The following CD8B2 variants were observed in gnomAD, a reference collection of about 807,000 sequenced individuals.
The protein encoded by CD8B2 is CD8B family member 2.
Under a neutral mutation model 23.7 loss-of-function variants are expected in CD8B2, and 11 were observed. The ratio of observed to expected loss-of-function variants is 0.46; its 90% CI spans 0.29 to 0.77. The LOEUF (loss-of-function observed/expected upper bound fraction) is 0.77. Among genes scored for constraint, CD8B2 ranks in the 30% least tolerant of loss-of-function variants. CD8B2 has a pLI of 0.09. For synonymous variants in CD8B2, 90 were observed against 109.3 expected (o/e 0.82, Z 1.10); for missense variants, 197 against 270.5 (o/e 0.73, Z 1.91).
chr2:106,494,924 A>C (rs965190544), intron 2 of CD8B2, among the ~76,000 whole-genome samples: 2 of 152,102 alleles, frequency 1.3e-5, no homozygotes, highest in Non-Finnish European at 2.9e-5. Context: ...CCAATCCCCA[A>C]ATATGACACA....
intron 5 of CD8B2, among the ~76,000 whole-genome samples, chr2:106,525,118 G>A (rs1224466157): frequency 6.6e-6 from 1 of 152,148 alleles, no homozygotes; most frequent in Non-Finnish European, 1.5e-5. Context: ...TCTGTTTGTT[G>A]TCTAATACAC....
rs1025947945 is a variant in CD8B2, at chr2:106,510,448, A to G, written c.*3508A>G. On this transcript the variant is annotated 3_prime_UTR_variant, in exon 6 of 6. Transcript: ENST00000643224. ...GTATTTGGAAGTTTCTTCAGCAAGCACATGGGATTACAGCTCATGCCTGTA... is the reference window on the plus strand; with the variant it reads ...GTATTTGGAAGTTTCTTCAGCAAGCGCATGGGATTACAGCTCATGCCTGTA... The G allele has an allele frequency of 2.6e-5, 4 of 152,248 alleles. No homozygotes were observed. The highest frequency in any genetic ancestry group is 9.6e-5 in the African/African-American group (4 of 41,460). The allele number at this position is 152,248 out of a possible 1,614,324, so 9.4% of individuals were successfully genotyped here. A position where few individuals can be genotyped will look rare whatever the true frequency, so the allele number is the denominator to read the frequency against.
At position 106,507,630 on chromosome 2, in the gene CD8B2, G is replaced by T. The variant is rs1335415710; in HGVS notation, c.*690G>T. The T allele has an allele frequency of 2.1e-6, 2 of 961,706 alleles. No individual in the cohort carries two copies. Among genetic ancestry groups the T allele is most frequent in the African/African-American group, 1.8e-5 (1 of 56,670 alleles). The allele number at this position is 961,706 out of a possible 1,614,324, so 59.6% of individuals were successfully genotyped here. A position where few individuals can be genotyped will look rare whatever the true frequency, so the allele number is the denominator to read the frequency against. On this transcript the variant is annotated 3_prime_UTR_variant, in exon 6 of 6. Transcript: ENST00000643224. ...CTGTTTGTTTTATACAAATGTCTTA[G>T]TTGTACAAATAAAGTCCCAGGTTAA...
intron 5 of CD8B2, among the ~76,000 whole-genome samples, chr2:106,520,843 C>A (rs1352338504): frequency 1.3e-5 from 2 of 152,000 alleles, no homozygotes; most frequent in Non-Finnish European, 2.9e-5. Flanking sequence ...GCACTCCAGC[C>A]TGGGCGAGAG....
At chr2:106,533,600 T>C (rs1377198072) in intron 5 of CD8B2, among the ~76,000 whole-genome samples, 2 of 152,122 alleles carry the variant, frequency 1.3e-5, no homozygotes, top group Non-Finnish European at 2.9e-5. Flanking sequence ...AACAAGGATC[T>C]CAGCTCAGCT....
chr2:106,511,305 C>T (rs929135000), downstream of CD8B2, among the ~76,000 whole-genome samples: 2 of 152,128 alleles, frequency 1.3e-5, no homozygotes, highest in African/African-American at 2.4e-5. Context: ...GGGCTGGGCT[C>T]GTGGCAGGGG....
intron 5 of CD8B2, among the ~76,000 whole-genome samples, chr2:106,524,660 G>T (rs770138367): frequency 3.3e-5 from 5 of 152,170 alleles, no homozygotes; most frequent in Non-Finnish European, 5.9e-5. Context: ...TAAAGTTGCT[G>T]CTGCTGCTTC....
Position 106,518,360 on chromosome 2 carries a change from A to C in CD8B2, c.620+14035A>C, listed in dbSNP as rs529690318. On this transcript the variant is annotated intron_variant, in intron 5 of 5. Transcript: ENST00000416057. ...TAGGTAGGGCATAAGATGTAAAGAC[A>C]TAGCTGAAAATACTGAAAGAGAAGG... is the stretch of plus-strand genomic sequence containing the variant. 2.0e-5 allele frequency among the ~76,000 whole-genome samples: 3 copies of C among 152,334 alleles called. No homozygotes were observed. In the South Asian group the frequency reaches 6.2e-4, roughly 32 times the overall value.
intron 5 of CD8B2, among the ~76,000 whole-genome samples, chr2:106,538,582 T>C (rs1216061628): frequency 6.6e-6 from 1 of 152,142 alleles, no homozygotes; most frequent in South Asian, 2.1e-4. Flanking sequence ...TTGCGCTATC[T>C]AGAGCCGAGC....
chr2:106,500,012 A>T (rs997102666), intron 3 of CD8B2, among the ~76,000 whole-genome samples: 1 of 121,730 alleles, frequency 8.2e-6, no homozygotes, highest in African/African-American at 3.1e-5. Context: ...CTCTAGTGAC[A>T]GTGGGCTGCC....
chr2:106,505,475 G>T (rs1679486649), intron 5 of CD8B2, among the ~76,000 whole-genome samples: 1 of 152,162 alleles, frequency 6.6e-6, no homozygotes, highest in Non-Finnish European at 1.5e-5. Context: ...CAGTCAGTGT[G>T]AGGGCTCACT....
intron 1 of CD8B2, among the ~76,000 whole-genome samples, chr2:106,488,340 A>C (rs1404183323): frequency 6.6e-6 from 1 of 151,400 alleles, no homozygotes; most frequent in African/African-American, 2.4e-5. Context: ...TGGGTTACCG[A>C]GGGGAACATG....
chr2:106,487,419 G>A lies in CD8B2; in HGVS notation c.-8G>A. Reference sequence around the variant, plus strand: ...GCCCCCGGGGCCAGGTGTCCCGGGCGCGCCCCGATGCGGCCGCGGCTGTGG... The same window carrying A: ...GCCCCCGGGGCCAGGTGTCCCGGGCACGCCCCGATGCGGCCGCGGCTGTGG... On this transcript the variant is annotated 5_prime_UTR_variant, in exon 1 of 6. Coordinates refer to ENST00000643224, the MANE Select transcript of CD8B2 (RefSeq NM_001349727.2). 1.3e-5 allele frequency: 16 copies of A among 1,239,018 alleles called. No individual in the cohort carries two copies. Among genetic ancestry groups the A allele is most frequent in the Non-Finnish European group, 1.6e-5 (16 of 991,986 alleles). The allele number at this position is 1,239,018 out of a possible 1,614,324, so 76.8% of individuals were successfully genotyped here.
downstream of CD8B2, among the ~76,000 whole-genome samples, chr2:106,515,519 A>ATGTGAGTAT (rs1225468267): frequency 6.6e-6 from 1 of 152,184 alleles, no homozygotes; most frequent in African/African-American, 2.4e-5. Flanking sequence ...TTTCTGCTCT[A>ATGTGAGTAT]AGCCATGTGA....
chr2:106,489,149 T>C (rs4676201), intron 1 of CD8B2, among the ~76,000 whole-genome samples: 112,619 of 114,894 alleles, frequency 0.98, 55,278 homozygotes, highest in Non-Finnish European at 1. Context: ...ATTAGAGGCA[T>C]GCGCCATCAT....
chr2:106,506,187 A>G (rs2104559646), intron 5 of CD8B2, among the ~76,000 whole-genome samples: 1 of 151,446 alleles, frequency 6.6e-6, no homozygotes, highest in African/African-American at 2.4e-5. Context: ...ATGACCTTTC[A>G]TGGAAAGTAA....
At chr2:106,539,273 A>G (rs1337783690) in intron 5 of CD8B2, among the ~76,000 whole-genome samples, 1 of 152,234 alleles carries the variant, frequency 6.6e-6, no homozygotes, top group Non-Finnish European at 1.5e-5. Context: ...AGCAGGTATC[A>G]CAGCACCTAG....
chr2:106,512,591 C>T (rs932768418), downstream of CD8B2, among the ~76,000 whole-genome samples: 1 of 151,886 alleles, frequency 6.6e-6, no homozygotes, highest in African/African-American at 2.4e-5. Context: ...TACAGGTGCT[C>T]ACCAGCATGC....
At chr2:106,491,353 C>T (rs1558874418) in intron 2 of CD8B2, 120 bp downstream of exon 2, 3 of 833,710 alleles carry the variant, frequency 3.6e-6, no homozygotes, top group Non-Finnish European at 5.9e-6. Context: ...GGCACTGCTG[C>T]TAATAGTAAC....
Sources: gnomAD v4.1 joint callset for allele counts (sites outside exome capture counted in the v4.1 genomes callset) on GRCh38, gnomAD v4.1.1 for gene constraint, MANE v1.5 for transcripts, NCBI Gene and HGNC (gene_info 2026-07-23, HGNC 2026-07-21) for gene names.